Variants in RIMS2 observed in about 807,000 individuals in gnomAD.
RIMS2 encodes regulating synaptic membrane exocytosis 2.
In RIMS2, 59 loss-of-function variants were observed where a neutral mutation model predicts 174.4. The ratio of observed to expected loss-of-function variants is 0.34; its 90% confidence interval spans 0.27 to 0.42. RIMS2 has a LOEUF of 0.42. Among genes scored for constraint, RIMS2 ranks in the 10% least tolerant of loss-of-function variants. RIMS2 has a pLI of 1.00. For missense variants in RIMS2, 1,620 were observed against 1,666.3 expected, an observed-to-expected ratio of 0.97 and a Z score of 0.48; for synonymous variants, 606 against 572.5, an observed-to-expected ratio of 1.06 and a Z score of -0.84.
At chr8:104,137,765 A>G (rs2098533217) in intron 19 of RIMS2, among the ~76,000 whole-genome samples, 1 of 152,166 alleles carries the variant, frequency 6.6e-6, no homozygotes, top group East Asian at 1.9e-4. Context: ...GTTAGAAAAA[A>G]ATGATTCACC....
At chr8:104,228,756 T>C (rs545420132) in intron 19 of RIMS2, among the ~76,000 whole-genome samples, 82 of 152,324 alleles carry the variant, frequency 5.4e-4, no homozygotes, top group African/African-American at 1.9e-3. Context: ...GGATAGACAG[T>C]TACTATGGTT....
At chr8:103,866,842 G>A (rs969214738) in intron 3 of RIMS2, among the ~76,000 whole-genome samples, 105 of 151,966 alleles carry the variant, frequency 6.9e-4, no homozygotes, top group African/African-American at 2.5e-3. Flanking sequence ...TTAATCTGAC[G>A]CTTTTGTGAC....
chr8:103,909,579 AAAC>A (rs1169945824), intron 4 of RIMS2, among the ~76,000 whole-genome samples: 3 of 152,138 alleles, frequency 2.0e-5, no homozygotes, highest in Non-Finnish European at 4.4e-5. Flanking sequence ...TCTTTTGTGA[AAAC>A]AATTTTTTTA....
intron 19 of RIMS2, among the ~76,000 whole-genome samples, chr8:104,206,369 T>G (rs910472897): frequency 6.6e-6 from 1 of 152,240 alleles, no homozygotes; most frequent in African/African-American, 2.4e-5. Flanking sequence ...TGACCAAGGC[T>G]TTGTTCAGCA....
chr8:103,781,792 G>A (rs1226565640), intron 3 of RIMS2, among the ~76,000 whole-genome samples: 1 of 140,346 alleles, frequency 7.1e-6, no homozygotes, highest in African/African-American at 2.7e-5. Context: ...TTGTCATGCA[G>A]GCTGGAGTGC....
chr8:104,056,765 G>A (rs1231605551), intron 19 of RIMS2, among the ~76,000 whole-genome samples: 1 of 152,114 alleles, frequency 6.6e-6, no homozygotes, highest in Non-Finnish European at 1.5e-5. Context: ...CACGCCTGTG[G>A]TCTCAGCTAC....
At chr8:103,769,465 A>C (rs2098222985) in intron 3 of RIMS2, among the ~76,000 whole-genome samples, 1 of 152,134 alleles carries the variant, frequency 6.6e-6, no homozygotes, top group Non-Finnish European at 1.5e-5. Flanking sequence ...ATGGGATTAC[A>C]GGCACCCACC....
intron 14 of RIMS2, among the ~76,000 whole-genome samples, chr8:103,953,909 T>C (rs1215257638): frequency 4.0e-5 from 6 of 151,768 alleles, no homozygotes; most frequent in African/African-American, 1.5e-4. Flanking sequence ...TGGAGGAAGA[T>C]CTACCAAGCA....
chr8:103,925,115 A>AT (rs2078512289), intron 10 of RIMS2, among the ~76,000 whole-genome samples: 2 of 151,640 alleles, frequency 1.3e-5, no homozygotes, highest in African/African-American at 4.8e-5. Flanking sequence ...ATAGGGCGTT[A>AT]TAAGAAAATA....
chr8:104,042,605 G>T (rs1364350674), intron 19 of RIMS2, among the ~76,000 whole-genome samples: 1 of 151,626 alleles, frequency 6.6e-6, no homozygotes, highest in African/African-American at 2.4e-5. Context: ...GATGCAGAAA[G>T]AGGAGGAATA....
rs1458052343 is a variant in RIMS2, at chr8:103,716,466, T to C, written c.387+19170T>C. On this transcript the variant is annotated intron_variant, in intron 2 of 23. Transcript: ENST00000504942. ...GGTAATTGCTAAACATTATGGCTTA[T>C]TTAAGCATGCTATCTGCTTTTACTG... 4.6e-5 allele frequency: 7 copies of C among 152,104 alleles called. No homozygotes were observed. In the East Asian group the frequency reaches 9.6e-4, roughly 21 times the overall value. 9.4% of individuals were successfully genotyped at this position (152,104 alleles called of 1,614,324 possible). A position where few individuals can be genotyped will look rare whatever the true frequency, so the allele number is the denominator to read the frequency against.
chr8:103,812,781 G>A (rs2098697033), intron 3 of RIMS2, among the ~76,000 whole-genome samples: 1 of 152,188 alleles, frequency 6.6e-6, no homozygotes, highest in South Asian at 2.1e-4. Flanking sequence ...GAGGTGAATT[G>A]TTCTATGATC....
At chr8:103,942,090 C>T (rs1228285927) in intron 13 of RIMS2, among the ~76,000 whole-genome samples, 3 of 151,952 alleles carry the variant, frequency 2.0e-5, no homozygotes, top group Admixed American at 6.6e-5. Flanking sequence ...ATTTCATTAC[C>T]GAGGTATTAA....
At chr8:103,640,022 G>T (rs1051702333) in intron 1 of RIMS2, among the ~76,000 whole-genome samples, 1 of 151,772 alleles carries the variant, frequency 6.6e-6, no homozygotes, top group African/African-American at 2.4e-5. Flanking sequence ...TTTCGTCAGA[G>T]TTTTGTAGTT....
At chr8:103,846,916 T>A (rs914478894) in intron 3 of RIMS2, among the ~76,000 whole-genome samples, 3 of 152,164 alleles carry the variant, frequency 2.0e-5, no homozygotes, top group African/African-American at 7.2e-5. Flanking sequence ...CCATTTATAG[T>A]TGCAGCGTGA....
At chr8:103,952,874 T>G (rs374542001) in intron 14 of RIMS2, among the ~76,000 whole-genome samples, 25 of 152,116 alleles carry the variant, frequency 1.6e-4, no homozygotes, top group Non-Finnish European at 3.4e-4. Context: ...GAAAAAAGGT[T>G]AGACGAATTG....
At chr8:104,150,520 G>A (rs1165534998) in intron 19 of RIMS2, among the ~76,000 whole-genome samples, 1 of 152,062 alleles carries the variant, frequency 6.6e-6, no homozygotes, top group Non-Finnish European at 1.5e-5. Flanking sequence ...GGAACTCCAG[G>A]AATGAATTCC....
intron 1 of RIMS2, among the ~76,000 whole-genome samples, chr8:103,545,378 A>G (rs1844519777): frequency 6.6e-6 from 1 of 152,222 alleles, no homozygotes; most frequent in Non-Finnish European, 1.5e-5. Context: ...GGGATTATGT[A>G]TAGAGACCAA....
intron 1 of RIMS2, among the ~76,000 whole-genome samples, chr8:103,643,586 G>A (rs2096271619): frequency 6.6e-6 from 1 of 152,202 alleles, no homozygotes; most frequent in Admixed American, 6.5e-5. Context: ...TAGCTGTGGT[G>A]TCAGAGGCTA....
Sources: gnomAD v4.1 joint callset for allele counts (sites outside exome capture counted in the v4.1 genomes callset) on GRCh38, gnomAD v4.1.1 for gene constraint, MANE v1.5 for transcripts, NCBI Gene and HGNC (gene_info 2026-07-23, HGNC 2026-07-21) for gene names.